Variants in CNTN3 observed in about 807,000 individuals in gnomAD.
The protein encoded by CNTN3 is contactin 3, also known as contactin-3.
In CNTN3, 60 loss-of-function variants were observed where a neutral mutation model predicts 119.1. That is an observed-to-expected ratio of 0.50 (90% CI 0.41 to 0.62). The LOEUF is 0.62. Ranked by LOEUF, CNTN3 falls within the 20% of genes least tolerant of loss-of-function variation. The pLI, the probability that CNTN3 is intolerant of heterozygous loss-of-function variation, is 0.00. For synonymous variants in CNTN3, 450 were observed against 438.7 expected (o/e 1.03, Z -0.32); for missense variants, 1,101 against 1,242.4 (o/e 0.89, Z 1.71).
At chr3:74,568,993 G>T (rs1704269209) in intron 1 of CNTN3, among the ~76,000 whole-genome samples, 1 of 152,178 alleles carries the variant, frequency 6.6e-6, no homozygotes, top group African/African-American at 2.4e-5. Context: ...GGTGGATAAA[G>T]CTTACAGCCC....
intron 20 of CNTN3, among the ~76,000 whole-genome samples, chr3:74,282,978 A>C (rs1702044210): frequency 6.6e-6 from 1 of 152,162 alleles, no homozygotes; most frequent in Admixed American, 6.5e-5. Flanking sequence ...CAGTTGAATA[A>C]TAGCAGAACA....
At chr3:74,587,525 G>A (rs1023436540) in intron 1 of CNTN3, among the ~76,000 whole-genome samples, 4 of 152,076 alleles carry the variant, frequency 2.6e-5, no homozygotes, top group Non-Finnish European at 4.4e-5. Flanking sequence ...GCCACTTATG[G>A]TGGATATGCA....
At chr3:74,481,875 A>G (rs1702770341) in intron 4 of CNTN3, among the ~76,000 whole-genome samples, 4 of 151,796 alleles carry the variant, frequency 2.6e-5, no homozygotes, top group Middle Eastern at 3.3e-3. Context: ...TGTCTAGATA[A>G]AGCAGAAATG....
intron 14 of CNTN3, 73 bp downstream of exon 14, chr3:74,302,617 C>T: frequency 1.1e-6 from 1 of 873,070 alleles, no homozygotes; most frequent in Non-Finnish European, 1.9e-6. Flanking sequence ...ACTATCTCAT[C>T]ATGGTTTTTC....
intron 5 of CNTN3, among the ~76,000 whole-genome samples, chr3:74,382,529 C>G (rs112676777): frequency 3.9e-5 from 6 of 152,234 alleles, no homozygotes; most frequent in African/African-American, 1.4e-4. Flanking sequence ...CCAACTCCCC[C>G]ACCACCAGCC....
intron 8 of CNTN3, 127 bp downstream of exon 8, chr3:74,369,062 C>A (rs1426950141): frequency 8.3e-6 from 5 of 605,052 alleles, no homozygotes; most frequent in African/African-American, 1.9e-5. Flanking sequence ...CATCACTTAA[C>A]AAAATGTTTA....
intron 4 of CNTN3, among the ~76,000 whole-genome samples, chr3:74,433,914 G>C (rs59589045): frequency 0.038 from 5,844 of 152,178 alleles, 372 homozygotes; most frequent in African/African-American, 0.13. Flanking sequence ...GCCAGGATTA[G>C]AGCCTTGTCA....
chr3:74,447,679 T>C (rs1702072963), intron 4 of CNTN3, among the ~76,000 whole-genome samples: 1 of 152,156 alleles, frequency 6.6e-6, no homozygotes, highest in Non-Finnish European at 1.5e-5. Flanking sequence ...ACCTGTCCTA[T>C]TTTCAAGTTT....
intron 4 of CNTN3, among the ~76,000 whole-genome samples, chr3:74,458,073 T>C (rs1340123141): frequency 2.6e-5 from 4 of 151,920 alleles, no homozygotes; most frequent in Non-Finnish European, 5.9e-5. Context: ...TCCAGACAAA[T>C]GGAGACAAAC....
At chr3:74,302,020 T>A (rs1702470609) in intron 14 of CNTN3, among the ~76,000 whole-genome samples, 1 of 152,216 alleles carries the variant, frequency 6.6e-6, no homozygotes, top group South Asian at 2.1e-4. Context: ...TAAATTTGGA[T>A]GTGAGGCAGT....
chr3:74,346,557 G>T (rs1247059466), intron 11 of CNTN3, among the ~76,000 whole-genome samples: 1 of 152,170 alleles, frequency 6.6e-6, no homozygotes, highest in Non-Finnish European at 1.5e-5. Flanking sequence ...TGTTTGGAGT[G>T]AGGCAGTGAG....
intron 13 of CNTN3, among the ~76,000 whole-genome samples, chr3:74,322,539 T>C (rs1356778732): frequency 6.6e-6 from 1 of 152,188 alleles, no homozygotes; most frequent in East Asian, 1.9e-4. Flanking sequence ...CATTTATCAC[T>C]GGTGGGGATG....
chr3:74,353,485 C>G (rs1008666413), intron 11 of CNTN3, among the ~76,000 whole-genome samples: 16 of 152,138 alleles, frequency 1.1e-4, no homozygotes, highest in African/African-American at 3.1e-4. Context: ...GGCCGGGTGC[C>G]GTGGCTCACG....
intron 2 of CNTN3, among the ~76,000 whole-genome samples, chr3:74,519,862 A>C (rs576808940): frequency 1.3e-5 from 2 of 151,786 alleles, no homozygotes; most frequent in African/African-American, 2.4e-5. Context: ...TAAAAACTAC[A>C]AAAAACCTCT....
intron 4 of CNTN3, among the ~76,000 whole-genome samples, chr3:74,427,916 T>C (rs1220613755): frequency 1.3e-5 from 2 of 152,162 alleles, no homozygotes; most frequent in East Asian, 3.9e-4. Context: ...TGGAGACACA[T>C]ACTATGTACA....
intron 4 of CNTN3, among the ~76,000 whole-genome samples, chr3:74,472,624 G>T (rs1702586100): frequency 6.6e-6 from 1 of 152,166 alleles, no homozygotes; most frequent in Admixed American, 6.5e-5. Context: ...ACGGAAACTT[G>T]GTTTTAAAAA....
At chr3:74,409,861 T>C (rs1182946889) in intron 5 of CNTN3, among the ~76,000 whole-genome samples, 1 of 152,188 alleles carries the variant, frequency 6.6e-6, no homozygotes, top group Non-Finnish European at 1.5e-5. Flanking sequence ...CATTGCATTA[T>C]GATTTTCTAA....
intron 2 of CNTN3, 45 bp from the exon 3 acceptor site, chr3:74,499,830 C>A (rs777808747): frequency 7.1e-6 from 11 of 1,540,640 alleles, no homozygotes; most frequent in African/African-American, 1.4e-5. Context: ...CAGTAAAAGG[C>A]ATTGTAAAAA....
At chr3:74,391,967 T>TAAA (rs1227889792) in intron 5 of CNTN3, among the ~76,000 whole-genome samples, 2 of 152,072 alleles carry the variant, frequency 1.3e-5, no homozygotes, top group African/African-American at 4.8e-5. Flanking sequence ...CTCCCACACT[T>TAAA]AGAGTCTTAA....
Sources: allele counts gnomAD v4.1 joint callset (sites outside exome capture counted in the v4.1 genomes callset), GRCh38; gene constraint gnomAD v4.1.1; transcripts MANE v1.5; gene names NCBI Gene and HGNC (gene_info 2026-07-23, HGNC 2026-07-21).